The following MIR2052HG variants were observed in gnomAD, a reference collection of about 807,000 sequenced individuals.
The protein encoded by MIR2052HG is MIR2052 host gene.
intron 4 of MIR2052HG, among the ~76,000 whole-genome samples, chr8:74,739,222 A>G (rs966552326): frequency 1.3e-5 from 2 of 152,200 alleles, no homozygotes; most frequent in Non-Finnish European, 2.9e-5. Flanking sequence ...TCTTGTGTTT[A>G]ATAAAATGGT....
Position 74,603,778 on chromosome 8 carries a change from A to C in MIR2052HG, n.128+3870A>C, listed in dbSNP as rs763885852. On this transcript the variant is annotated intron_variant and non_coding_transcript_variant, in intron 1 of 6. Transcript: ENST00000523442. The stretch of plus-strand genomic sequence containing the variant: ...CACACAGATCTGTTTGACACACTCA[A>C]TGATGGATTGTGGGATGCCAGCAAT... 31 of 846,046 alleles carry C rather than the reference A, an allele frequency of 3.7e-5. No homozygotes were observed. The South Asian group carries it at 4.1e-4, about 11-fold the overall frequency. 52.4% of individuals were successfully genotyped at this position (846,046 alleles called of 1,614,324 possible).
intron 2 of MIR2052HG, among the ~76,000 whole-genome samples, chr8:74,616,359 T>G (rs112480350): frequency 0.73 from 107,280 of 147,672 alleles, 39,701 homozygotes; most frequent in African/African-American, 0.89. Flanking sequence ...TTCTCTGATG[T>G]CCAGTGATGA....
At chr8:74,600,308 G>A (rs1360096452) in intron 1 of MIR2052HG, among the ~76,000 whole-genome samples, 2 of 151,382 alleles carry the variant, frequency 1.3e-5, no homozygotes, top group Non-Finnish European at 2.9e-5. Context: ...GTTTCAGGTG[G>A]GCATGGTGGC....
At chr8:74,663,245 C>G (rs1168591293) in intron 2 of MIR2052HG, among the ~76,000 whole-genome samples, 3 of 152,044 alleles carry the variant, frequency 2.0e-5, no homozygotes, top group Non-Finnish European at 4.4e-5. Context: ...AAAAGAGCAT[C>G]ATGCCACAGC....
intron 4 of MIR2052HG, among the ~76,000 whole-genome samples, chr8:74,718,534 C>T (rs561470674): frequency 6.6e-6 from 1 of 152,214 alleles, no homozygotes; most frequent in East Asian, 1.9e-4. Context: ...AAGGAATAAA[C>T]CAGAAGTTGC....
intron 4 of MIR2052HG, among the ~76,000 whole-genome samples, chr8:74,722,272 C>T (rs1189819898): frequency 1.3e-5 from 2 of 152,170 alleles, no homozygotes; most frequent in South Asian, 4.1e-4. Flanking sequence ...CTGCAGAAGG[C>T]TCTTGCATTT....
intron 4 of MIR2052HG, among the ~76,000 whole-genome samples, chr8:74,743,872 T>C (rs917797235): frequency 1.3e-5 from 2 of 152,228 alleles, no homozygotes; most frequent in South Asian, 2.1e-4. Context: ...CCCACACTAA[T>C]AGATTGCAAA....
intron 2 of MIR2052HG, among the ~76,000 whole-genome samples, chr8:74,694,223 G>C (rs542020165): frequency 6.6e-6 from 1 of 152,310 alleles, no homozygotes; most frequent in South Asian, 2.1e-4. Context: ...CGAGAGCCTG[G>C]TAGCTCTACT....
chr8:74,733,285 T>C (rs1809713834), intron 4 of MIR2052HG, among the ~76,000 whole-genome samples: 1 of 151,946 alleles, frequency 6.6e-6, no homozygotes, highest in Non-Finnish European at 1.5e-5. Flanking sequence ...CCTGTGTCCA[T>C]GTGTTCTCAT....
rs1586905498 is a variant in MIR2052HG, at chr8:74,657,522, A to C, written n.216+44582A>C. ...AAATCTCCAGACCCATCCTAGACCC[A>C]CTGTTTTAATCCGTTTTCACACTGC... On this transcript the variant is annotated intron_variant and non_coding_transcript_variant, in intron 2 of 6. Coordinates refer to ENST00000523442, the Ensembl canonical transcript of MIR2052HG. Among the ~76,000 whole-genome samples the C allele has an allele frequency of 2.6e-5, 4 of 152,056 alleles. No homozygotes were observed. In the South Asian group the frequency reaches 8.3e-4, roughly 32 times the overall value.
chr8:74,750,915 G>C (rs765680151), intron 4 of MIR2052HG, among the ~76,000 whole-genome samples: 15 of 152,124 alleles, frequency 9.9e-5, no homozygotes, highest in African/African-American at 2.4e-5. Context: ...TCTCTATAGA[G>C]GGGATGAAGG....
chr8:74,752,391 T>C, intron 4 of MIR2052HG: 1 of 441,804 alleles, frequency 2.3e-6, no homozygotes, highest in South Asian at 1.6e-5. Flanking sequence ...TAGCATTTGA[T>C]CACATTTGGG....
chr8:74,690,120 T>A (rs1440344149), intron 2 of MIR2052HG, among the ~76,000 whole-genome samples: 1 of 152,254 alleles, frequency 6.6e-6, no homozygotes, highest in Non-Finnish European at 1.5e-5. Context: ...CATCCTATTT[T>A]CTAATCATGT....
Position 74,749,251 on chromosome 8 carries a change from G to A in MIR2052HG, n.372-3190G>A, listed in dbSNP as rs1025574545. Among the ~76,000 whole-genome samples, 21 of 152,092 alleles carry A rather than the reference G, an allele frequency of 1.4e-4. No homozygotes were observed. The East Asian group carries it at 4.1e-3, about 29-fold the overall frequency. On this transcript the variant is annotated intron_variant and non_coding_transcript_variant, in intron 4 of 6. Coordinates refer to ENST00000523442, the Ensembl canonical transcript of MIR2052HG. ...TTTCTAATTATAAAAAATCCCAAAT[G>A]ACAAAACCATGATTGTTGATGCTGT...
chr8:74,700,218 G>A lies in MIR2052HG; in HGVS notation n.217-2161G>A, dbSNP rs536083750. 5.9e-5 allele frequency among the ~76,000 whole-genome samples: 9 copies of A among 152,268 alleles called. No homozygotes were observed. The South Asian group carries it at 1.7e-3, about 28-fold the overall frequency. On this transcript the variant is annotated intron_variant and non_coding_transcript_variant, in intron 2 of 6. Transcript: ENST00000523442. ...TGTGTATATGTATGTGTGTGCATACGTATTATACATACAGAAATACATAAA... is the reference window on the plus strand; with the variant it reads ...TGTGTATATGTATGTGTGTGCATACATATTATACATACAGAAATACATAAA...
chr8:74,618,729 G>A (rs1808319444), intron 2 of MIR2052HG, among the ~76,000 whole-genome samples: 1 of 152,130 alleles, frequency 6.6e-6, no homozygotes, highest in Admixed American at 6.5e-5. Flanking sequence ...TGTGAGATAA[G>A]GAACAAGACA....
intron 1 of MIR2052HG, among the ~76,000 whole-genome samples, chr8:74,612,049 C>A (rs1447974632): frequency 6.9e-6 from 1 of 144,370 alleles, no homozygotes; most frequent in East Asian, 2.0e-4. Context: ...TCTTCAAGTG[C>A]TCCACTTGCA....
At chr8:74,653,848 T>A (rs1808776661) in intron 2 of MIR2052HG, among the ~76,000 whole-genome samples, 1 of 152,222 alleles carries the variant, frequency 6.6e-6, no homozygotes, top group Non-Finnish European at 1.5e-5. Flanking sequence ...AGTATGAATA[T>A]ATACTTTGAA....
intron 2 of MIR2052HG, among the ~76,000 whole-genome samples, chr8:74,686,495 T>G (rs1332300361): frequency 6.6e-6 from 1 of 152,022 alleles, no homozygotes; most frequent in East Asian, 1.9e-4. Context: ...ATGCCAGACA[T>G]TCTACCATGC....
Sources: gnomAD v4.1 joint callset for allele counts (sites outside exome capture counted in the v4.1 genomes callset) on GRCh38, gnomAD v4.1.1 for gene constraint, MANE v1.5 for transcripts, NCBI Gene and HGNC (gene_info 2026-07-23, HGNC 2026-07-21) for gene names.